The following MAP3K15 variants were observed in gnomAD, a reference collection of about 807,000 sequenced individuals.
MAP3K15 encodes MAPK/ERK kinase kinase 15.
A neutral mutation model predicts 99.5 loss-of-function variants in MAP3K15; 124 were observed. The ratio of observed to expected loss-of-function variants is 1.25; its 90% CI spans 1.08 to 1.45. The LOEUF (loss-of-function observed/expected upper bound fraction) is 1.45, where lower values mean the gene tolerates loss of function less well. Among genes scored for constraint, MAP3K15 ranks in the 40% most tolerant of loss-of-function variants. MAP3K15 has a pLI of 0.00. For synonymous variants in MAP3K15, 494 were observed against 439.6 expected, an observed-to-expected ratio of 1.12 and a Z score of -1.55; for missense variants, 1,242 against 1,079.7, an observed-to-expected ratio of 1.15 and a Z score of -2.11.
intron 1 of MAP3K15, among the ~76,000 whole-genome samples, chrX:19,509,284 C>T (rs911696923): frequency 8.9e-6 from 1 of 111,952 alleles, no homozygotes; most frequent in Non-Finnish European, 1.9e-5. Flanking sequence ...CCCAAGTCAA[C>T]AGAATACACA....
chrX:19,437,166 C>T, intron 6 of MAP3K15, among the ~76,000 whole-genome samples: 1 of 111,462 alleles, frequency 9.0e-6, no homozygotes, highest in African/African-American at 3.3e-5. Context: ...TGAAATTGAC[C>T]CACTCCTCAT....
chrX:19,488,824 G>A lies in MAP3K15; in HGVS notation c.501+4C>T. 8.4e-7 allele frequency: 1 copy of A among 1,196,633 alleles called. No individual in the cohort carries two copies. The highest frequency in any genetic ancestry group is 1.1e-6 in the Non-Finnish European group (1 of 892,490). On this transcript the variant is annotated splice_donor_region_variant and intron_variant, in intron 2 of 28. Coordinates refer to ENST00000338883, the MANE Select transcript of MAP3K15 (RefSeq NM_001001671.4). ...GTACTCAGGAGAAGGTGAATACACT[G>A]TACCTTCAAAGAGAGAGCAGTGTCG...
intron 3 of MAP3K15, among the ~76,000 whole-genome samples, chrX:19,470,458 G>A (rs748218462): frequency 2.5e-3 from 277 of 109,089 alleles, no homozygotes; most frequent in Non-Finnish European, 4.4e-3. Context: ...GCTAAATGAC[G>A]AGTTAATAGG....
chrX:19,378,175 G>A (rs1445407388), intron 19 of MAP3K15, among the ~76,000 whole-genome samples: 2 of 112,563 alleles, frequency 1.8e-5, no homozygotes, highest in South Asian at 3.6e-4. Flanking sequence ...CCAGGAAGAC[G>A]CCTCTGGAAT....
chrX:19,436,545 A>G (rs188639831), intron 6 of MAP3K15, among the ~76,000 whole-genome samples: 5 of 111,382 alleles, frequency 4.5e-5, no homozygotes, highest in African/African-American at 6.5e-5. Flanking sequence ...CAAACCATCC[A>G]TATTTTGATG....
At chrX:19,365,239 CTTTG>C (rs1453021820) in intron 25 of MAP3K15, among the ~76,000 whole-genome samples, 1 of 110,237 alleles carries the variant, frequency 9.1e-6, no homozygotes, top group Non-Finnish European at 1.9e-5. Context: ...CTTCGACCTA[CTTTG>C]TTTGACTGTA....
At chrX:19,364,767 C>T (rs1371340514) in intron 25 of MAP3K15, among the ~76,000 whole-genome samples, 2 of 109,547 alleles carry the variant, frequency 1.8e-5, no homozygotes, top group African/African-American at 6.7e-5. Context: ...GTGGCACATG[C>T]CTGTAATCCG....
At chrX:19,367,346 A>G (rs2147206789) in intron 25 of MAP3K15, among the ~76,000 whole-genome samples, 1 of 110,948 alleles carries the variant, frequency 9.0e-6, no homozygotes, top group South Asian at 3.8e-4. Flanking sequence ...TGGGAGGAGG[A>G]TCAGGAAAAG....
intron 3 of MAP3K15, among the ~76,000 whole-genome samples, chrX:19,469,242 G>T (rs1195768454): frequency 1.8e-5 from 2 of 111,472 alleles, no homozygotes; most frequent in African/African-American, 6.5e-5. Context: ...CAGAAATAAT[G>T]CCGCATAGCT....
At chrX:19,419,491 A>C (rs1307587635) in intron 9 of MAP3K15, among the ~76,000 whole-genome samples, 4 of 110,755 alleles carry the variant, frequency 3.6e-5, no homozygotes, top group Non-Finnish European at 7.5e-5. Flanking sequence ...AGAGCTAACT[A>C]TCCTAAATAT....
chrX:19,384,683 C>A (rs2063481914), intron 18 of MAP3K15, among the ~76,000 whole-genome samples: 2 of 91,536 alleles, frequency 2.2e-5, no homozygotes, highest in African/African-American at 8.6e-5. Flanking sequence ...GTTGGGGCTG[C>A]AGTGAACTGA....
chrX:19,394,291 G>A (rs775371693), intron 16 of MAP3K15, among the ~76,000 whole-genome samples: 2 of 111,455 alleles, frequency 1.8e-5, no homozygotes, highest in South Asian at 7.8e-4. Flanking sequence ...AGCCCACTGA[G>A]ACAGCGTTAA....
chrX:19,491,278 C>A (rs1383320188), intron 1 of MAP3K15, among the ~76,000 whole-genome samples: 4 of 111,118 alleles, frequency 3.6e-5, no homozygotes. Context: ...AAGAAAAAAC[C>A]AACTACAATA....
intron 6 of MAP3K15, among the ~76,000 whole-genome samples, chrX:19,450,458 T>C (rs931687304): frequency 1.8e-5 from 2 of 110,318 alleles, no homozygotes; most frequent in African/African-American, 6.5e-5. Context: ...AAAGGCAGCA[T>C]TGCCAAAATC....
chrX:19,406,836 G>T (rs1403663370), intron 13 of MAP3K15, among the ~76,000 whole-genome samples: 5 of 112,166 alleles, frequency 4.5e-5, no homozygotes, highest in Non-Finnish European at 9.4e-5. Context: ...CAAGTAGCTG[G>T]GATTACAGGC....
intron 6 of MAP3K15, among the ~76,000 whole-genome samples, chrX:19,431,917 C>T (rs2063886013): frequency 9.7e-6 from 1 of 103,525 alleles, no homozygotes; most frequent in African/African-American, 3.6e-5. Flanking sequence ...GTACTCCAGT[C>T]TGGGCGACAG....
chrX:19,440,819 C>G (rs2063954119), intron 6 of MAP3K15, among the ~76,000 whole-genome samples: 1 of 112,709 alleles, frequency 8.9e-6, no homozygotes, highest in African/African-American at 3.2e-5. Flanking sequence ...GTAGCAGCAT[C>G]ACCAAGCCCC....
intron 3 of MAP3K15, among the ~76,000 whole-genome samples, chrX:19,480,927 C>T (rs747930138): frequency 9.3e-6 from 1 of 107,885 alleles, no homozygotes; most frequent in South Asian, 4.1e-4. Flanking sequence ...CCAGCCTGGG[C>T]AACATGGCAA....
chrX:19,491,987 C>CT lies in MAP3K15; in HGVS notation c.362-3021dup, dbSNP rs534024822. Reference sequence around the variant, plus strand: ...AGGCGTTAGCCACTGCACCTGGCTACTTTTTTTTTTTTTTTTAAACAGAGA... The same window carrying CT: ...AGGCGTTAGCCACTGCACCTGGCTACTTTTTTTTTTTTTTTTTAAACAGAGA... On this transcript the variant is annotated intron_variant, in intron 1 of 28. Transcript: ENST00000338883. Among the ~76,000 whole-genome samples, 261 of 97,368 alleles carry CT rather than the reference C, an allele frequency of 2.7e-3. 1 individual carries two copies. The highest frequency in any genetic ancestry group is 0.01 in the Middle Eastern group (2 of 199). The allele number at this position is 97,368 out of a possible 115,157, so 84.6% of individuals were successfully genotyped here. A position where few individuals can be genotyped will look rare whatever the true frequency, so the allele number is the denominator to read the frequency against.
Sources: allele counts gnomAD v4.1 joint callset (sites outside exome capture counted in the v4.1 genomes callset), GRCh38; gene constraint gnomAD v4.1.1; transcripts MANE v1.5; gene names NCBI Gene and HGNC (gene_info 2026-07-23, HGNC 2026-07-21).